The following MIPOL1 variants were observed in gnomAD, a reference collection of about 807,000 sequenced individuals.
The protein encoded by MIPOL1 is mirror-image polydactyly gene 1 protein.
MIPOL1 carries 57 observed loss-of-function variants against 60.9 expected under a neutral mutation model. The observed-to-expected ratio is 0.94, with a 90% CI of 0.76 to 1.17. The LOEUF (loss-of-function observed/expected upper bound fraction) is 1.17, where lower values mean the gene tolerates loss of function less well. MIPOL1 is among the 50% of genes most tolerant of loss of function. MIPOL1 has a pLI of 0.00. For missense variants in MIPOL1, 551 were observed against 511.6 expected (o/e 1.08, Z -0.74); for synonymous variants, 179 against 168.8 (o/e 1.06, Z -0.47).
At chr14:37,330,186 A>G (rs2089546559) in intron 9 of MIPOL1, among the ~76,000 whole-genome samples, 1 of 152,092 alleles carries the variant, frequency 6.6e-6, no homozygotes, top group Non-Finnish European at 1.5e-5. Context: ...TTACATTCTG[A>G]TTATTCATAT....
intron 11 of MIPOL1, among the ~76,000 whole-genome samples, chr14:37,486,329 G>A (rs1260032144): frequency 2.0e-5 from 3 of 152,044 alleles, no homozygotes; most frequent in Non-Finnish European, 2.9e-5. Context: ...ATCTTTTTTG[G>A]TTCCAAATGA....
intron 11 of MIPOL1, among the ~76,000 whole-genome samples, chr14:37,443,281 A>C (rs963558546): frequency 1.2e-4 from 18 of 151,948 alleles, no homozygotes; most frequent in African/African-American, 4.4e-4. Flanking sequence ...AAACACAGTG[A>C]GACCCTATCT....
chr14:37,360,651 A>G (rs1330593622), intron 9 of MIPOL1, among the ~76,000 whole-genome samples: 1 of 148,326 alleles, frequency 6.7e-6, no homozygotes, highest in African/African-American at 2.5e-5. Flanking sequence ...TTTGTGTGGG[A>G]TCGGTGGTGA....
intron 11 of MIPOL1, among the ~76,000 whole-genome samples, chr14:37,428,075 T>G (rs1457655853): frequency 1.3e-5 from 2 of 151,998 alleles, no homozygotes; most frequent in Non-Finnish European, 2.9e-5. Flanking sequence ...TTACCAATAT[T>G]TAAGAAAAAA....
intron 11 of MIPOL1, among the ~76,000 whole-genome samples, chr14:37,490,472 T>C (rs1011028442): frequency 1.3e-5 from 2 of 152,070 alleles, no homozygotes; most frequent in Non-Finnish European, 2.9e-5. Flanking sequence ...TCTGTCTTGC[T>C]GACATTCCAG....
At chr14:37,474,054 G>A (rs1337273240) in intron 11 of MIPOL1, among the ~76,000 whole-genome samples, 1 of 152,018 alleles carries the variant, frequency 6.6e-6, no homozygotes, top group Non-Finnish European at 1.5e-5. Flanking sequence ...CTTTCACTAA[G>A]CAATATGCAT....
At chr14:37,413,641 A>G (rs1282732792) in intron 10 of MIPOL1, among the ~76,000 whole-genome samples, 2 of 152,174 alleles carry the variant, frequency 1.3e-5, no homozygotes, top group African/African-American at 4.8e-5. Flanking sequence ...GTTCTGGGGA[A>G]TAGGATGTGG....
intron 1 of MIPOL1, among the ~76,000 whole-genome samples, chr14:37,241,637 A>T (rs1972381059): frequency 1.3e-5 from 2 of 151,998 alleles, no homozygotes; most frequent in South Asian, 4.2e-4. Flanking sequence ...CAATGATGGG[A>T]TGTAATTAGT....
chr14:37,255,639 C>T (rs973778244), intron 3 of MIPOL1, among the ~76,000 whole-genome samples: 12 of 151,536 alleles, frequency 7.9e-5, no homozygotes, highest in Middle Eastern at 3.4e-3. Flanking sequence ...TCTTTGTGTT[C>T]TGCTTATTTT....
At chr14:37,410,098 T>A (rs962785237) in intron 10 of MIPOL1, among the ~76,000 whole-genome samples, 1 of 152,174 alleles carries the variant, frequency 6.6e-6, no homozygotes, top group African/African-American at 2.4e-5. Flanking sequence ...ATTCTAAACA[T>A]CTAGCATTCT....
chr14:37,499,547 T>A (rs979766567), intron 11 of MIPOL1, among the ~76,000 whole-genome samples: 1 of 152,140 alleles, frequency 6.6e-6, no homozygotes, highest in Non-Finnish European at 1.5e-5. Flanking sequence ...CCCATTCTCT[T>A]CTCACTTCTT....
intron 1 of MIPOL1, among the ~76,000 whole-genome samples, chr14:37,207,547 T>C (rs1966283730): frequency 6.6e-6 from 1 of 152,004 alleles, no homozygotes; most frequent in African/African-American, 2.4e-5. Context: ...TTATTATTAT[T>C]ATTATTATTA....
chr14:37,239,737 A>G (rs936619276), intron 1 of MIPOL1, among the ~76,000 whole-genome samples: 4 of 152,186 alleles, frequency 2.6e-5, no homozygotes, highest in Admixed American at 6.5e-5. Context: ...TAATGAAAAC[A>G]TTTATTAAGA....
intron 12 of MIPOL1, among the ~76,000 whole-genome samples, chr14:37,520,355 G>A (rs1394315968): frequency 6.6e-6 from 1 of 152,140 alleles, no homozygotes; most frequent in African/African-American, 2.4e-5. Flanking sequence ...TGAAAGTTAG[G>A]AAGGAACGAA....
chr14:37,248,620 CT>C (rs1345562488), intron 3 of MIPOL1, among the ~76,000 whole-genome samples: 2 of 150,560 alleles, frequency 1.3e-5, no homozygotes, highest in Non-Finnish European at 3.0e-5. Flanking sequence ...ATACAGATAT[CT>C]ATATCTATAT....
intron 11 of MIPOL1, among the ~76,000 whole-genome samples, chr14:37,495,599 A>C (rs1566715278): frequency 6.9e-6 from 1 of 144,124 alleles, no homozygotes; most frequent in Non-Finnish European, 1.5e-5. Context: ...ATACGTGTGC[A>C]TGTGTCTTTA....
At chr14:37,381,348 T>A (rs1392698296) in intron 10 of MIPOL1, among the ~76,000 whole-genome samples, 1 of 152,072 alleles carries the variant, frequency 6.6e-6, no homozygotes, top group Non-Finnish European at 1.5e-5. Context: ...TTCTCCCTTC[T>A]TTTTCTGACC....
intron 12 of MIPOL1, among the ~76,000 whole-genome samples, chr14:37,519,559 CT>C (rs1049922679): frequency 1.3e-5 from 2 of 151,768 alleles, no homozygotes; most frequent in African/African-American, 2.4e-5. Context: ...ATCTTGATTA[CT>C]TTTTTTTACA....
chr14:37,221,631 G>A (rs1322378642), intron 1 of MIPOL1, among the ~76,000 whole-genome samples: 1 of 152,162 alleles, frequency 6.6e-6, no homozygotes, highest in Non-Finnish European at 1.5e-5. Context: ...GAGAGAGAGA[G>A]AGGAAAGGGT....
Sources: gnomAD v4.1 joint callset for allele counts (sites outside exome capture counted in the v4.1 genomes callset) on GRCh38, gnomAD v4.1.1 for gene constraint, MANE v1.5 for transcripts, NCBI Gene and HGNC (gene_info 2026-07-23, HGNC 2026-07-21) for gene names.